Variants in TECPR2 observed in about 807,000 individuals in gnomAD.
The protein encoded by TECPR2 is tectonin beta-propeller repeat-containing protein 2.
In TECPR2, 65 loss-of-function variants were observed where a neutral mutation model predicts 138.1. The ratio of observed to expected loss-of-function variants is 0.47; its 90% CI spans 0.39 to 0.58. TECPR2 has a LOEUF of 0.58. Ranked by LOEUF, TECPR2 falls within the 20% of genes least tolerant of loss-of-function variation. TECPR2 has a pLI of 0.00. For synonymous variants in TECPR2, 746 were observed against 749.8 expected, an observed-to-expected ratio of 0.99 and a Z score of 0.08; for missense variants, 1,553 against 1,824.5, an observed-to-expected ratio of 0.85 and a Z score of 2.71.
intron 17 of TECPR2, among the ~76,000 whole-genome samples, chr14:102,487,298 T>A (rs748647905): frequency 2.0e-5 from 3 of 152,218 alleles, no homozygotes; most frequent in Non-Finnish European, 4.4e-5. Context: ...CCTGCTGAAT[T>A]TCTTCCAAGT....
rs550890817 is a variant in TECPR2, at chr14:102,486,480, C to G, written c.3790-10499C>G. On this transcript the variant is annotated intron_variant, in intron 17 of 19. Coordinates refer to ENST00000359520, the MANE Select transcript of TECPR2 (RefSeq NM_014844.5). ...AATACAAAAAACACTCCCAGCTGTC[C>G]AGCCTTAAATAAAATCTTGTACATA... Among the ~76,000 whole-genome samples the G allele has an allele frequency of 1.2e-4, 18 of 152,254 alleles. 1 individual carries two copies. The highest frequency in any genetic ancestry group is 9.8e-4 in the Admixed American group (15 of 15,286).
At chr14:102,377,001 T>C in intron 2 of TECPR2, 61 bp downstream of exon 2, 1 of 1,530,706 alleles carries the variant, frequency 6.5e-7, no homozygotes, top group Non-Finnish European at 8.9e-7. Flanking sequence ...CTTAACATGC[T>C]TGTGTTCTAG....
intron 1 of TECPR2, among the ~76,000 whole-genome samples, chr14:102,369,125 T>TTTG (rs1887423904): frequency 2.0e-5 from 3 of 152,152 alleles, no homozygotes; most frequent in Admixed American, 2.0e-4. Context: ...ATTCTGACCT[T>TTTG]TTGTAATACC....
chr14:102,396,103 T>A (rs771054431), intron 2 of TECPR2, among the ~76,000 whole-genome samples: 65 of 136,132 alleles, frequency 4.8e-4, no homozygotes, highest in Non-Finnish European at 9.5e-4. Flanking sequence ...TCTTTAGTAC[T>A]CTTTTTTTTT....
chr14:102,437,078 C>T (rs761948374), intron 9 of TECPR2: 46 of 985,212 alleles, frequency 4.7e-5, no homozygotes, highest in African/African-American at 1.4e-4. Context: ...TTTGGAGGTT[C>T]GGTGTGGAAG....
At position 102,498,317 on chromosome 14, in the gene TECPR2, A is replaced by G. The variant is rs2403058; in HGVS notation, c.*60A>G. 0.67 allele frequency: 1,030,593 copies of G among 1,535,428 alleles called. 348,510 individuals carry two copies. The highest frequency in any genetic ancestry group is 0.86 in the African/African-American group (63,338 of 73,862). On this transcript the variant is annotated 3_prime_UTR_variant, in exon 20 of 20. Coordinates refer to ENST00000359520, the MANE Select transcript of TECPR2 (RefSeq NM_014844.5). ...CGTCTGTGGCGGGCACAGGGGCTTC[A>G]GAGTGACTCCCTGGTGGACGCGCTG...
chr14:102,406,275 A>G (rs376649847), intron 2 of TECPR2, among the ~76,000 whole-genome samples: 5 of 152,130 alleles, frequency 3.3e-5, no homozygotes, highest in South Asian at 4.2e-4. Context: ...AGGGCTGGGC[A>G]TGGTGGCCCA....
At position 102,376,741 on chromosome 14, in the gene TECPR2, C is replaced by T; in HGVS notation, c.20C>T (p.Pro7Leu). 1 of 1,614,200 alleles carries T rather than the reference C, an allele frequency of 6.2e-7. No homozygotes were observed. Among genetic ancestry groups the T allele is most frequent in the South Asian group, 1.1e-5 (1 of 91,082 alleles). ...TTGGCCATGGCATCGATATCAGAGC[C>T]TGTTACATTCAGAGAGTTCTGCCCG... MASISE[P>L]VTFREFCPLY... The change falls in exon 2 of 20, where the codon CCT becomes CTT. Residue 7 changes from proline to leucine, a missense_variant. By Grantham distance (98) the Pro-to-Leu change is moderately conservative. Coordinates refer to ENST00000359520, the MANE Select transcript of TECPR2 (RefSeq NM_014844.5).
intron 2 of TECPR2, among the ~76,000 whole-genome samples, chr14:102,402,504 A>T (rs908687783): frequency 2.0e-5 from 3 of 152,128 alleles, no homozygotes; most frequent in Non-Finnish European, 2.9e-5. Flanking sequence ...AGGAAGAAAA[A>T]CTAAACTCAA....
intron 2 of TECPR2, among the ~76,000 whole-genome samples, chr14:102,387,575 G>A (rs1482679613): frequency 2.0e-5 from 3 of 150,830 alleles, no homozygotes; most frequent in African/African-American, 4.9e-5. Flanking sequence ...CCCCCAGGCT[G>A]GAGTGCAGCG....
At chr14:102,469,196 T>A (rs1167065365) in intron 17 of TECPR2, among the ~76,000 whole-genome samples, 2 of 152,246 alleles carry the variant, frequency 1.3e-5, no homozygotes, top group Non-Finnish European at 2.9e-5. Flanking sequence ...TGGAAAATCT[T>A]CCAGTCTGTG....
At chr14:102,425,481 T>C (rs1191984099) in intron 6 of TECPR2, among the ~76,000 whole-genome samples, 190 bp downstream of exon 6, 1 of 152,120 alleles carries the variant, frequency 6.6e-6, no homozygotes, top group African/African-American at 2.4e-5. Context: ...AAAAAAAAAT[T>C]TGGTTTTGAC....
intron 2 of TECPR2, among the ~76,000 whole-genome samples, chr14:102,386,197 G>A (rs536322379): frequency 7.0e-4 from 106 of 151,580 alleles, no homozygotes; most frequent in Admixed American, 2.0e-3. Flanking sequence ...GTCCAGGCAC[G>A]GTGGCTCACG....
chr14:102,443,898 CA>C lies in TECPR2; in HGVS notation c.2933+73del, dbSNP rs550648957. 6.4e-4 allele frequency: 903 copies of C among 1,410,672 alleles called. 6 individuals carry two copies. The African/African-American group carries it at 0.011, about 18-fold the overall frequency. 87.4% of individuals were successfully genotyped at this position (1,410,672 alleles called of 1,614,324 possible). ...CTTCGTTCTTGTCCACTTGACACCA[CA>C]AGGCACCATGAGGCCGTTCCTGGGA... On this transcript the variant is annotated intron_variant, in intron 12 of 19. Coordinates refer to ENST00000359520, the MANE Select transcript of TECPR2 (RefSeq NM_014844.5). The surrounding 1 kb of genome is among the most constrained non-coding windows in gnomAD (Gnocchi z 4.9).
intron 13 of TECPR2, among the ~76,000 whole-genome samples, chr14:102,446,770 T>C (rs1225355648): frequency 2.6e-5 from 4 of 152,224 alleles, no homozygotes; most frequent in Admixed American, 2.6e-4. Flanking sequence ...CTTTTCATCA[T>C]AGGAAATAAT....
At chr14:102,456,020 C>T (rs960820563) in intron 16 of TECPR2, among the ~76,000 whole-genome samples, 10 of 152,176 alleles carry the variant, frequency 6.6e-5, no homozygotes, top group Non-Finnish European at 1.5e-4. Flanking sequence ...TCCCAACGTG[C>T]TGGGATTACA....
Position 102,440,664 on chromosome 14 carries a change from G to A in TECPR2, c.2752+55G>A, listed in dbSNP as rs1889805855. Reference sequence around the variant, plus strand: ...CAGCTCTGCCGTCACTGCCTCTGCTGCACCCTGCTTTGCTAGTAACATGCT... The same window carrying A: ...CAGCTCTGCCGTCACTGCCTCTGCTACACCCTGCTTTGCTAGTAACATGCT... On this transcript the variant is annotated intron_variant, in intron 11 of 19. Coordinates refer to ENST00000359520, the MANE Select transcript of TECPR2 (RefSeq NM_014844.5). 2.5e-6 allele frequency: 4 copies of A among 1,573,320 alleles called. No individual in the cohort carries two copies. The Admixed American group carries it at 5.6e-5, about 22-fold the overall frequency.
chr14:102,480,328 C>T (rs1567359214), intron 17 of TECPR2, among the ~76,000 whole-genome samples: 1 of 152,008 alleles, frequency 6.6e-6, no homozygotes, highest in East Asian at 1.9e-4. Context: ...GGGTTCACGC[C>T]ATTCTCCTGC....
At chr14:102,388,818 G>A (rs902882202) in intron 2 of TECPR2, among the ~76,000 whole-genome samples, 17 of 152,156 alleles carry the variant, frequency 1.1e-4, no homozygotes, top group South Asian at 6.2e-4. Flanking sequence ...AAAATTAGCC[G>A]GGTGAGATGG....
Sources: allele counts gnomAD v4.1 joint callset (sites outside exome capture counted in the v4.1 genomes callset), GRCh38; gene constraint gnomAD v4.1.1; non-coding constraint Gnocchi (gnomAD v3.1); transcripts MANE v1.5; gene names NCBI Gene and HGNC (gene_info 2026-07-23, HGNC 2026-07-21).